USH2A: variants seen among roughly 807,000 people sequenced by gnomAD.
The protein encoded by USH2A is Usher syndrome 2A (autosomal recessive, mild).
A neutral mutation model predicts 538.9 loss-of-function variants in USH2A; 443 were observed. That is an observed-to-expected ratio of 0.82 (90% CI 0.76 to 0.89). The LOEUF is 0.89. Among genes scored for constraint, USH2A ranks in the 40% least tolerant of loss-of-function variants. The pLI is 0.00. For synonymous variants in USH2A, 2,413 were observed against 2,273.5 expected (o/e 1.06, Z -1.75); for missense variants, 6,633 against 6,324.8 (o/e 1.05, Z -1.65).
At chr1:215,911,063 A>T (rs1045280238) in intron 38 of USH2A, among the ~76,000 whole-genome samples, 1 of 151,198 alleles carries the variant, frequency 6.6e-6, no homozygotes, top group African/African-American at 2.4e-5. Context: ...TAATTTTTTA[A>T]TTTTTTTTTA....
intron 19 of USH2A, among the ~76,000 whole-genome samples, chr1:216,195,331 G>A (rs2034814180): frequency 6.6e-6 from 1 of 152,110 alleles, no homozygotes; most frequent in Admixed American, 6.6e-5. Flanking sequence ...CTCAACCTCA[G>A]CTCATACCTA....
chr1:215,891,600 G>T (rs1461519822), intron 40 of USH2A, among the ~76,000 whole-genome samples: 2 of 152,166 alleles, frequency 1.3e-5, no homozygotes, highest in African/African-American at 2.4e-5. Context: ...CACAGCAGTA[G>T]CTATCACTTT....
At chr1:216,041,264 C>G (rs2030262128) in intron 32 of USH2A, among the ~76,000 whole-genome samples, 1 of 152,048 alleles carries the variant, frequency 6.6e-6, no homozygotes, top group African/African-American at 2.4e-5. Context: ...ACCCACCATA[C>G]TACTAGCTTA....
At position 216,020,992 on chromosome 1, in the gene USH2A, A is replaced by C. The variant is rs1210765994; in HGVS notation, c.6326-20430T>G. Among the ~76,000 whole-genome samples the C allele has an allele frequency of 1.3e-5, 2 of 152,092 alleles. 1 individual carries two copies. Among genetic ancestry groups the C allele is most frequent in the Non-Finnish European group, 2.9e-5 (2 of 68,014 alleles). On this transcript the variant is annotated intron_variant, in intron 32 of 71. Transcript: ENST00000307340. ...AGAATTGTGGCTAAAGTGGGGACTC[A>C]ATACTTGTGCCTGGCCTCTGAAGGG...
chr1:215,940,130 T>C (rs1001616404), intron 37 of USH2A, among the ~76,000 whole-genome samples: 3 of 152,184 alleles, frequency 2.0e-5, no homozygotes, highest in African/African-American at 7.2e-5. Context: ...ATGTCAGGCC[T>C]GGTCCTGCTT....
At chr1:215,785,003 C>T (rs761734283) in intron 52 of USH2A, among the ~76,000 whole-genome samples, 2 of 152,156 alleles carry the variant, frequency 1.3e-5, no homozygotes, top group African/African-American at 4.8e-5. Context: ...ATAACTGGGA[C>T]TGGGAACACA....
chr1:215,804,930 T>C (rs991595112), intron 49 of USH2A, among the ~76,000 whole-genome samples: 5 of 152,140 alleles, frequency 3.3e-5, no homozygotes, highest in Non-Finnish European at 5.9e-5. Flanking sequence ...GTGGCACATA[T>C]ACACCATGGA....
chr1:215,909,430 G>A (rs1665720009), intron 38 of USH2A, among the ~76,000 whole-genome samples: 1 of 151,880 alleles, frequency 6.6e-6, no homozygotes, highest in South Asian at 2.1e-4. Context: ...GCGAATCTTA[G>A]TGTATACTAT....
At chr1:216,234,679 T>C (rs2035771235) in intron 13 of USH2A, among the ~76,000 whole-genome samples, 1 of 151,998 alleles carries the variant, frequency 6.6e-6, no homozygotes, top group Non-Finnish European at 1.5e-5. Context: ...TACTTACAAG[T>C]AGAATTAATT....
At chr1:215,878,021 G>A (rs1664819619) in intron 42 of USH2A, 141 bp from the exon 43 acceptor site, 4 of 1,226,862 alleles carry the variant, frequency 3.3e-6, no homozygotes, top group African/African-American at 1.5e-5. Flanking sequence ...CAGTTACGTG[G>A]TTTTGTTTCA....
intron 30 of USH2A, among the ~76,000 whole-genome samples, chr1:216,060,655 C>A (rs2031146400): frequency 6.6e-6 from 1 of 152,120 alleles, no homozygotes; most frequent in Admixed American, 6.5e-5. Context: ...TGTAATGCAA[C>A]AATAAAATTG....
chr1:216,235,388 G>GC (rs758561342), intron 13 of USH2A, among the ~76,000 whole-genome samples: 26 of 152,198 alleles, frequency 1.7e-4, no homozygotes, highest in Non-Finnish European at 1.3e-4. Flanking sequence ...TTATTACCTT[G>GC]CATTACGTAG....
intron 11 of USH2A, among the ~76,000 whole-genome samples, chr1:216,257,433 T>A (rs1023188117): frequency 2.0e-5 from 3 of 152,164 alleles, no homozygotes; most frequent in Middle Eastern, 3.4e-3. Flanking sequence ...CACGTCTTTT[T>A]CCTCTGGCTG....
intron 61 of USH2A, among the ~76,000 whole-genome samples, chr1:215,710,868 A>G (rs1292222806): frequency 1.3e-5 from 2 of 152,040 alleles, no homozygotes; most frequent in East Asian, 3.9e-4. Context: ...TGAAGGTAAA[A>G]GTTCAGAATT....
intron 22 of USH2A, among the ~76,000 whole-genome samples, chr1:216,093,461 T>G: frequency 6.6e-6 from 1 of 152,106 alleles, no homozygotes; most frequent in East Asian, 1.9e-4. Flanking sequence ...TGAATTCTGT[T>G]ACCACGCTTT....
At position 215,919,555 on chromosome 1, in the gene USH2A, T is replaced by C. The variant is rs1011743873; in HGVS notation, c.7300+15061A>G. ...AGCACAATAACATATGAGTGTAGTG[T>C]GTAGTATTTGTGTAGGTGTTACAGA... is the stretch of plus-strand genomic sequence containing the variant. On this transcript the variant is annotated intron_variant, in intron 38 of 71. Transcript: ENST00000307340. Among the ~76,000 whole-genome samples the C allele has an allele frequency of 8.3e-4, 127 of 152,142 alleles. 1 individual carries two copies. The highest frequency in any genetic ancestry group is 2.8e-3 in the African/African-American group (116 of 41,522).
At chr1:216,172,737 T>A (rs2034295798) in intron 21 of USH2A, among the ~76,000 whole-genome samples, 1 of 152,130 alleles carries the variant, frequency 6.6e-6, no homozygotes, top group Non-Finnish European at 1.5e-5. Flanking sequence ...GAATAAATAA[T>A]GCCAACACTA....
chr1:216,069,847 A>C (rs1571932800), intron 30 of USH2A, among the ~76,000 whole-genome samples: 3 of 152,154 alleles, frequency 2.0e-5, no homozygotes, highest in Non-Finnish European at 2.9e-5. Context: ...CCTATGATGT[A>C]ATCTTTGGGG....
Position 216,140,452 on chromosome 1 carries a change from T to C in USH2A, c.4627+34800A>G, listed in dbSNP as rs190848917. Among the ~76,000 whole-genome samples, 33 of 152,290 alleles carry C rather than the reference T, an allele frequency of 2.2e-4. No homozygotes were observed. The East Asian group carries it at 6.2e-3, about 28-fold the overall frequency. Reference sequence around the variant, plus strand: ...GTTCTTGGTAATTTATTGTTTTCAATAAATATTTGTTCAAAAAAAGAGAAT... The same window carrying C: ...GTTCTTGGTAATTTATTGTTTTCAACAAATATTTGTTCAAAAAAAGAGAAT... On this transcript the variant is annotated intron_variant, in intron 21 of 71. Transcript: ENST00000307340.
Sources: allele counts gnomAD v4.1 joint callset (sites outside exome capture counted in the v4.1 genomes callset), GRCh38; gene constraint gnomAD v4.1.1; transcripts MANE v1.5; gene names NCBI Gene and HGNC (gene_info 2026-07-23, HGNC 2026-07-21).